The following ADAMTS9 variants were observed in gnomAD, a reference collection of about 807,000 sequenced individuals.
The protein encoded by ADAMTS9 is ADAM metallopeptidase with thrombospondin type 1 motif 9.
A neutral mutation model predicts 257.1 loss-of-function variants in ADAMTS9; 107 were observed. The ratio of observed to expected loss-of-function variants is 0.42; its 90% CI spans 0.36 to 0.49. The LOEUF (loss-of-function observed/expected upper bound fraction) is 0.49, where lower values mean the gene tolerates loss of function less well. Ranked by LOEUF, ADAMTS9 falls within the 20% of genes least tolerant of loss-of-function variation. The pLI, the probability that ADAMTS9 is intolerant of heterozygous loss-of-function variation, is 0.03. For missense variants in ADAMTS9, 2,353 were observed against 2,469.1 expected, an observed-to-expected ratio of 0.95 and a Z score of 1.00; for synonymous variants, 982 against 880.9, an observed-to-expected ratio of 1.11 and a Z score of -2.03.
At chr3:64,666,515 G>A (rs1396017532) in intron 3 of ADAMTS9, among the ~76,000 whole-genome samples, 1 of 152,164 alleles carries the variant, frequency 6.6e-6, no homozygotes, top group Non-Finnish European at 1.5e-5. Context: ...ATCATCTGTG[G>A]TGTTCCACTT....
intron 37 of ADAMTS9, 59 bp downstream of exon 37, chr3:64,539,144 T>G: frequency 1.3e-6 from 2 of 1,495,078 alleles, no homozygotes; most frequent in South Asian, 1.1e-5. Context: ...CAACTGAGGA[T>G]GTTCCCGGGA....
chr3:64,556,808 C>T (rs949660185), intron 30 of ADAMTS9, among the ~76,000 whole-genome samples: 17 of 151,568 alleles, frequency 1.1e-4, no homozygotes, highest in East Asian at 7.7e-4. Context: ...ATCTTTCCCT[C>T]CTTCCTTTCT....
intron 28 of ADAMTS9, chr3:64,569,048 A>G (rs2083612468): frequency 6.4e-6 from 1 of 155,218 alleles, no homozygotes; most frequent in African/African-American, 2.4e-5. Context: ...AAGGCACGTT[A>G]GAAACTGAAA....
At chr3:64,566,031 C>G (rs143103779) in intron 29 of ADAMTS9, among the ~76,000 whole-genome samples, 3 of 152,120 alleles carry the variant, frequency 2.0e-5, no homozygotes, top group Non-Finnish European at 4.4e-5. Flanking sequence ...TCAGACCTTT[C>G]GATGTGATGA....
chr3:64,566,996 T>C (rs1294983758), intron 29 of ADAMTS9, among the ~76,000 whole-genome samples: 1 of 152,104 alleles, frequency 6.6e-6, no homozygotes, highest in East Asian at 1.9e-4. Flanking sequence ...TCTGGCTGGG[T>C]ATAGATTTTT....
At chr3:64,566,861 CA>C (rs201080933) in intron 29 of ADAMTS9, among the ~76,000 whole-genome samples, 201 of 142,080 alleles carry the variant, frequency 1.4e-3, no homozygotes, top group African/African-American at 3.3e-3. Context: ...CGAATAGCTC[CA>C]AAAAAAAAAA....
At position 64,603,987 on chromosome 3, in the gene ADAMTS9, G is replaced by T; in HGVS notation, c.3682C>A (p.Pro1228Thr). 1.2e-6 allele frequency: 2 copies of T among 1,613,982 alleles called. No homozygotes were observed. The highest frequency in any genetic ancestry group is 1.7e-6 in the Non-Finnish European group (2 of 1,179,998). The change falls in exon 25 of 40, where the codon CCA (proline) becomes ACA (threonine). Residue 1228 changes from proline to threonine, a missense_variant. Coordinates refer to ENST00000498707, the MANE Select transcript of ADAMTS9 (RefSeq NM_182920.2). ...ACAGAACATTCTTCCTTTGCCACTG[G>T]TCTAGGCAGGGTAGCACAGGCACTC... is the stretch of plus-strand genomic sequence containing the variant. ...DESACATLPR[P>T]VAKEECSVTP...
At chr3:64,626,269 C>T (rs1700217765) in intron 16 of ADAMTS9, among the ~76,000 whole-genome samples, 1 of 152,090 alleles carries the variant, frequency 6.6e-6, no homozygotes, top group Admixed American at 6.6e-5. Flanking sequence ...AGTTAATTTC[C>T]CAAGGCCAGG....
At chr3:64,650,701 G>C (rs1700911371) in intron 9 of ADAMTS9, 2 of 250,738 alleles carry the variant, frequency 8.0e-6, no homozygotes, top group Non-Finnish European at 7.5e-6. Context: ...CCTTCATTAA[G>C]AAATCACATT....
chr3:64,623,360 G>A (rs933656037), intron 16 of ADAMTS9, among the ~76,000 whole-genome samples: 1 of 152,166 alleles, frequency 6.6e-6, no homozygotes, highest in African/African-American at 2.4e-5. Flanking sequence ...CCACAGAGAG[G>A]CCTGCAAGCA....
intron 28 of ADAMTS9, among the ~76,000 whole-genome samples, chr3:64,593,544 G>C (rs1042748005): frequency 1.3e-5 from 2 of 152,158 alleles, no homozygotes; most frequent in African/African-American, 4.8e-5. Flanking sequence ...AGCTGCCCCA[G>C]AAGTTTGCAT....
At chr3:64,533,866 G>A (rs773871065) in intron 37 of ADAMTS9, among the ~76,000 whole-genome samples, 6 of 152,184 alleles carry the variant, frequency 3.9e-5, no homozygotes, top group Non-Finnish European at 8.8e-5. Context: ...GCTCCGGTAA[G>A]GGAGATCTCC....
intron 10 of ADAMTS9, among the ~76,000 whole-genome samples, chr3:64,648,311 C>T (rs769942652): frequency 6.6e-6 from 1 of 152,164 alleles, no homozygotes; most frequent in Non-Finnish European, 1.5e-5. Context: ...TGTACTCATC[C>T]TAGGTTCCTT....
intron 3 of ADAMTS9, among the ~76,000 whole-genome samples, chr3:64,668,252 G>A (rs146973122): frequency 8.9e-4 from 136 of 152,292 alleles, no homozygotes; most frequent in Non-Finnish European, 1.6e-3. Flanking sequence ...TTTTTTTAAC[G>A]TCAAAAGGAA....
rs2083122356 is a variant in ADAMTS9 at position 64,541,566 on chromosome 3, T to A, written c.5252A>T (p.Asp1751Val). Residue 1751 changes from aspartate to valine, a missense_variant, in exon 34 of 40, where the codon GAT becomes GTT. By Grantham distance (152) the Asp-to-Val change is radical (BLOSUM62 -3). Transcript: ENST00000498707. Reference protein sequence around the residue: ...EVKRLKGASEDGEYFLMIRGK... With the variant: ...EVKRLKGASEVGEYFLMIRGK... ...TCTAATCATCAGGAAATATTCACCA[T>A]CTTCACTGGCACCTTTAAGTCTTTT... 1 of 1,614,078 alleles carries A rather than the reference T, an allele frequency of 6.2e-7. No homozygotes were observed. The highest frequency in any genetic ancestry group is 1.3e-5 in the African/African-American group (1 of 74,930).
At chr3:64,542,419 T>TTTC (rs1397270877) in intron 32 of ADAMTS9, among the ~76,000 whole-genome samples, 1 of 26,258 alleles carries the variant, frequency 3.8e-5, no homozygotes, top group Non-Finnish European at 2.3e-4. Flanking sequence ...TCACTTTTCA[T>TTTC]TTCTTTCTTT....
At chr3:64,639,585 T>G (rs1316860526) in intron 12 of ADAMTS9, among the ~76,000 whole-genome samples, 4 of 152,128 alleles carry the variant, frequency 2.6e-5, no homozygotes, top group Non-Finnish European at 5.9e-5. Context: ...GCCAAACACT[T>G]CTTTTGAATG....
chr3:64,573,662 T>G (rs556888087), intron 28 of ADAMTS9, among the ~76,000 whole-genome samples: 1 of 152,350 alleles, frequency 6.6e-6, no homozygotes, highest in East Asian at 1.9e-4. Context: ...ACTCTCCTTT[T>G]AACTTTAACA....
chr3:64,546,682 G>C, intron 32 of ADAMTS9, 76 bp downstream of exon 32: 1 of 1,426,380 alleles, frequency 7.0e-7, no homozygotes. Flanking sequence ...TAAGGAGAGC[G>C]GGTTAGGCAG....
Sources: allele counts gnomAD v4.1 joint callset (sites outside exome capture counted in the v4.1 genomes callset), GRCh38; gene constraint gnomAD v4.1.1; transcripts MANE v1.5; gene names NCBI Gene and HGNC (gene_info 2026-07-23, HGNC 2026-07-21).